RALYL: variants seen among roughly 807,000 people sequenced by gnomAD.
The protein encoded by RALYL is RNA-binding Raly-like protein.
A neutral mutation model predicts 35.1 loss-of-function variants in RALYL; 29 were observed. The ratio of observed to expected loss-of-function variants is 0.83; its 90% CI spans 0.61 to 1.13. The LOEUF (loss-of-function observed/expected upper bound fraction) is 1.13. Ranked by LOEUF, RALYL falls within the 50% of genes most tolerant of loss-of-function variation. The probability of loss-of-function intolerance (pLI) is 0.00; values close to 1 mark genes in which losing one functional copy is unlikely to be tolerated. For synonymous variants in RALYL, 120 were observed against 127.6 expected, an observed-to-expected ratio of 0.94 and a Z score of 0.40; for missense variants, 359 against 360.4, an observed-to-expected ratio of 1.00 and a Z score of 0.03.
At chr8:84,566,913 A>T (rs969386769) in intron 2 of RALYL, among the ~76,000 whole-genome samples, 6 of 151,772 alleles carry the variant, frequency 4.0e-5, no homozygotes, top group African/African-American at 1.4e-4. Flanking sequence ...GACTGTGTTA[A>T]TACATTTGAA....
chr8:84,677,619 A>G (rs1834478467), intron 2 of RALYL, among the ~76,000 whole-genome samples: 1 of 152,350 alleles, frequency 6.6e-6, no homozygotes, highest in Non-Finnish European at 1.5e-5. Flanking sequence ...AGAAAAGAAT[A>G]AAGATTGCTT....
chr8:84,729,632 G>A (rs1447731195), intron 2 of RALYL, among the ~76,000 whole-genome samples: 19 of 152,154 alleles, frequency 1.2e-4, no homozygotes, highest in South Asian at 6.2e-4. Flanking sequence ...TTGTTAGACC[G>A]CTAGCAAGAC....
At chr8:84,756,121 T>A (rs1439803610) in intron 2 of RALYL, among the ~76,000 whole-genome samples, 1 of 152,074 alleles carries the variant, frequency 6.6e-6, no homozygotes, top group Admixed American at 6.6e-5. Context: ...TGTACCAATA[T>A]ACCATGGATT....
intron 2 of RALYL, among the ~76,000 whole-genome samples, chr8:84,682,072 G>A (rs1208672953): frequency 6.6e-6 from 1 of 152,112 alleles, no homozygotes; most frequent in South Asian, 2.1e-4. Flanking sequence ...TTTGTCAAAG[G>A]CCTTTTCTGC....
intron 2 of RALYL, among the ~76,000 whole-genome samples, chr8:84,704,628 G>A (rs987776357): frequency 2.6e-5 from 4 of 152,094 alleles, no homozygotes; most frequent in African/African-American, 9.7e-5. Context: ...GACAGCAGTG[G>A]AATGTACAGT....
At chr8:84,401,441 T>C (rs1194878840) in intron 1 of RALYL, among the ~76,000 whole-genome samples, 4 of 151,632 alleles carry the variant, frequency 2.6e-5, no homozygotes, top group Non-Finnish European at 5.9e-5. Flanking sequence ...ATCGAGACCA[T>C]CTTGGCTTAA....
At chr8:84,865,252 A>G (rs1032362371) in intron 6 of RALYL, among the ~76,000 whole-genome samples, 1 of 152,212 alleles carries the variant, frequency 6.6e-6, no homozygotes, top group African/African-American at 2.4e-5. Context: ...AATTTAAAAT[A>G]TACTATGTTA....
chr8:84,326,064 A>T (rs541487013), intron 1 of RALYL, among the ~76,000 whole-genome samples: 4 of 152,288 alleles, frequency 2.6e-5, no homozygotes, highest in Admixed American at 2.6e-4. Context: ...GTGAGCTGAG[A>T]TCCTGCCACT....
At chr8:84,424,494 A>C (rs970090897) in intron 1 of RALYL, among the ~76,000 whole-genome samples, 3 of 148,218 alleles carry the variant, frequency 2.0e-5, no homozygotes, top group Non-Finnish European at 2.9e-5. Context: ...CTTCGGTTTG[A>C]ATGTCCTTCC....
intron 1 of RALYL, among the ~76,000 whole-genome samples, chr8:84,517,593 T>A (rs1399554993): frequency 6.6e-6 from 1 of 152,150 alleles, no homozygotes; most frequent in Admixed American, 6.5e-5. Flanking sequence ...TGTAAAGCAC[T>A]AGTAATCAAA....
intron 1 of RALYL, chr8:84,346,039 A>G: frequency 2.1e-6 from 2 of 968,828 alleles, no homozygotes; most frequent in South Asian, 9.5e-5. Context: ...TCTTATTCAA[A>G]ATTATCCTAA....
chr8:84,539,514 A>C (rs961475717), intron 2 of RALYL, among the ~76,000 whole-genome samples: 1 of 152,084 alleles, frequency 6.6e-6, no homozygotes, highest in Non-Finnish European at 1.5e-5. Flanking sequence ...CTAGGTGATC[A>C]GTAAGATCCC....
intron 8 of RALYL, among the ~76,000 whole-genome samples, chr8:84,890,558 G>A (rs1226840806): frequency 6.6e-6 from 1 of 152,186 alleles, no homozygotes; most frequent in Non-Finnish European, 1.5e-5. Context: ...AGAGAACTTT[G>A]TAAAAACGCA....
intron 1 of RALYL, among the ~76,000 whole-genome samples, chr8:84,449,592 G>C (rs1426061936): frequency 1.1e-4 from 16 of 151,892 alleles, no homozygotes; most frequent in Admixed American, 1.1e-3. Context: ...CTCCCCCTGA[G>C]ACTTTCTAAA....
intron 2 of RALYL, among the ~76,000 whole-genome samples, chr8:84,541,442 T>G (rs1189312814): frequency 6.6e-6 from 1 of 151,944 alleles, no homozygotes; most frequent in Non-Finnish European, 1.5e-5. Flanking sequence ...AAATAATATA[T>G]AATAAAATTA....
intron 1 of RALYL, among the ~76,000 whole-genome samples, chr8:84,255,152 CTT>C (rs1207757037): frequency 2.0e-5 from 3 of 152,024 alleles, no homozygotes; most frequent in African/African-American, 7.2e-5. Context: ...TTTAAAAAAA[CTT>C]ATTTCAGTAA....
At chr8:84,451,337 A>G (rs982886927) in intron 1 of RALYL, among the ~76,000 whole-genome samples, 1 of 152,034 alleles carries the variant, frequency 6.6e-6, no homozygotes, top group Non-Finnish European at 1.5e-5. Flanking sequence ...AATAAATCAG[A>G]GCAAGAGAGA....
At chr8:84,798,993 G>T (rs1462576163) in intron 3 of RALYL, among the ~76,000 whole-genome samples, 1 of 152,118 alleles carries the variant, frequency 6.6e-6, no homozygotes, top group Non-Finnish European at 1.5e-5. Flanking sequence ...GATTGTGAAT[G>T]AACTTTTAGT....
chr8:84,804,038 T>C (rs944972915), intron 3 of RALYL, among the ~76,000 whole-genome samples: 4 of 152,192 alleles, frequency 2.6e-5, no homozygotes, highest in Admixed American at 2.6e-4. Context: ...AGTGGATGCT[T>C]TCCTGATTTA....
Sources: allele counts gnomAD v4.1 joint callset (sites outside exome capture counted in the v4.1 genomes callset), GRCh38; gene constraint gnomAD v4.1.1; transcripts MANE v1.5; gene names NCBI Gene and HGNC (gene_info 2026-07-23, HGNC 2026-07-21).